The following FREM3 variants were observed in gnomAD, a reference collection of about 807,000 sequenced individuals.
The protein encoded by FREM3 is FRAS1-related extracellular matrix protein 3.
Under a neutral mutation model 129.1 loss-of-function variants are expected in FREM3, and 105 were observed. The ratio of observed to expected loss-of-function variants is 0.81; its 90% CI spans 0.69 to 0.96. FREM3 has a LOEUF of 0.96. Ranked by LOEUF, FREM3 falls within the 40% of genes least tolerant of loss-of-function variation. The pLI is 0.00. For missense variants in FREM3, 2,593 were observed against 2,666.3 expected (o/e 0.97, Z 0.61); for synonymous variants, 1,014 against 1,044.9 (o/e 0.97, Z 0.57).
At chr4:143,652,990 T>A (rs958100119) in intron 2 of FREM3, among the ~76,000 whole-genome samples, 6 of 152,200 alleles carry the variant, frequency 3.9e-5, no homozygotes, top group Admixed American at 2.0e-4. Context: ...TACAAGGTTT[T>A]GATACTAGAA....
At chr4:143,619,871 T>C (rs1277768858) in intron 5 of FREM3, among the ~76,000 whole-genome samples, 1 of 151,906 alleles carries the variant, frequency 6.6e-6, no homozygotes, top group Non-Finnish European at 1.5e-5. Context: ...GTGGGGGTAT[T>C]ATTTAAAAAA....
At chr4:143,662,694 C>T (rs1415796932) in intron 2 of FREM3, among the ~76,000 whole-genome samples, 1 of 151,984 alleles carries the variant, frequency 6.6e-6, no homozygotes, top group Non-Finnish European at 1.5e-5. Flanking sequence ...GTTAAAGTCT[C>T]CCATTATTAT....
At chr4:143,663,361 A>G (rs1331503709) in intron 2 of FREM3, among the ~76,000 whole-genome samples, 1 of 152,110 alleles carries the variant, frequency 6.6e-6, no homozygotes. Context: ...TTAGCTGGAT[A>G]TGAAATTCTG....
At chr4:143,595,682 T>C (rs983657417) in intron 6 of FREM3, among the ~76,000 whole-genome samples, 1 of 151,996 alleles carries the variant, frequency 6.6e-6, no homozygotes, top group African/African-American at 2.4e-5. Flanking sequence ...GGTCTGCAGA[T>C]CAAGACCATC....
At chr4:143,603,664 T>C (rs1738616353) in intron 6 of FREM3, among the ~76,000 whole-genome samples, 3 of 152,158 alleles carry the variant, frequency 2.0e-5, no homozygotes, top group Admixed American at 2.0e-4. Flanking sequence ...CCTTTTTATC[T>C]GAGAAATGCA....
At chr4:143,579,259 G>T (rs1020051308) in intron 7 of FREM3, among the ~76,000 whole-genome samples, 2 of 152,150 alleles carry the variant, frequency 1.3e-5, no homozygotes, top group Admixed American at 6.5e-5. Flanking sequence ...TTTGAGACCA[G>T]CCTGGCCAAC....
intron 2 of FREM3, among the ~76,000 whole-genome samples, chr4:143,653,151 C>T (rs550489437): frequency 1.2e-4 from 18 of 152,256 alleles, no homozygotes; most frequent in Non-Finnish European, 1.8e-4. Context: ...GCCATGACCT[C>T]AGCAGCTGAA....
Position 143,695,747 on chromosome 4 carries a change from G to A in FREM3, c.4929C>T (p.His1643=). The change falls in exon 1 of 8, where the codon CAC becomes CAT. Residue 1643 remains histidine, a synonymous_variant. Transcript: ENST00000329798. ...TCTGGACCCTCATTACTTGAGGTTT[G>A]TGTGTCGCCAGGGCAGTGTCTGGTA... ...YVLPDTALAT[H]KPQVMRVQIR... is the part of the protein sequence containing the mutation. 3 of 1,537,300 alleles carry A rather than the reference G, an allele frequency of 2.0e-6. No individual in the cohort carries two copies. The highest frequency in any genetic ancestry group is 1.4e-5 in the African/African-American group (1 of 73,174).
intron 5 of FREM3, among the ~76,000 whole-genome samples, chr4:143,612,574 A>G (rs1207622038): frequency 1.3e-5 from 2 of 152,166 alleles, no homozygotes; most frequent in Non-Finnish European, 2.9e-5. Flanking sequence ...TGCAAAAGCA[A>G]TTGCGGTTTT....
At chr4:143,588,909 T>G (rs1289731432) in intron 6 of FREM3, among the ~76,000 whole-genome samples, 2 of 151,352 alleles carry the variant, frequency 1.3e-5, no homozygotes, top group African/African-American at 4.9e-5. Flanking sequence ...GCACCTGTCG[T>G]TTCCTGACTT....
At chr4:143,589,862 C>T (rs1217213534) in intron 6 of FREM3, among the ~76,000 whole-genome samples, 1 of 152,180 alleles carries the variant, frequency 6.6e-6, no homozygotes, top group African/African-American at 2.4e-5. Context: ...ATTGATTCTT[C>T]CTACCCATGA....
chr4:143,607,314 C>G (rs1047393457), intron 6 of FREM3, among the ~76,000 whole-genome samples: 2 of 152,134 alleles, frequency 1.3e-5, no homozygotes. Context: ...CTTCCTTTCT[C>G]TATCCTCAAG....
chr4:143,631,958 C>T (rs1186326365), intron 2 of FREM3, among the ~76,000 whole-genome samples: 1 of 152,208 alleles, frequency 6.6e-6, no homozygotes, highest in African/African-American at 2.4e-5. Flanking sequence ...AAGAGTAATT[C>T]TGATAACCTA....
intron 2 of FREM3, among the ~76,000 whole-genome samples, chr4:143,651,506 C>T (rs986067165): frequency 3.9e-5 from 6 of 152,192 alleles, no homozygotes; most frequent in African/African-American, 9.7e-5. Flanking sequence ...AATGCACACA[C>T]GGAACAAAAT....
rs140748766 is a variant in FREM3, at chr4:143,693,490, A to G, written c.5186-288T>C. On this transcript the variant is annotated intron_variant, in intron 1 of 7. Transcript: ENST00000329798. Reference sequence around the variant, plus strand: ...TTGTAGAGAAAAAGGAACACTATACATTGTTGGTAGGAGTGTAAATTAGTT... The same window carrying G: ...TTGTAGAGAAAAAGGAACACTATACGTTGTTGGTAGGAGTGTAAATTAGTT... 2.0e-4 allele frequency among the ~76,000 whole-genome samples: 30 copies of G among 152,312 alleles called. No homozygotes were observed. The East Asian group carries it at 5.8e-3, about 29-fold the overall frequency.
At position 143,632,369 on chromosome 4, in the gene FREM3, G is replaced by T. The variant is rs533977006; in HGVS notation, c.5276-4609C>A. Among the ~76,000 whole-genome samples, 6 of 152,190 alleles carry T rather than the reference G, an allele frequency of 3.9e-5. No homozygotes were observed. In the East Asian group the frequency reaches 1.2e-3, roughly 29 times the overall value. On this transcript the variant is annotated intron_variant, in intron 2 of 7. Coordinates refer to ENST00000329798, the MANE Select transcript of FREM3 (RefSeq NM_001168235.2). ...AGTTTATATAGAGTGGTTAGAAAAGGCTTTCCTAAAGGGGTGATATTTGAT... is the reference window on the plus strand; with the variant it reads ...AGTTTATATAGAGTGGTTAGAAAAGTCTTTCCTAAAGGGGTGATATTTGAT...
At chr4:143,578,999 C>T (rs1033649690) in intron 7 of FREM3, among the ~76,000 whole-genome samples, 18 of 149,728 alleles carry the variant, frequency 1.2e-4, no homozygotes, top group Non-Finnish European at 1.6e-4. Flanking sequence ...AAGAGAATGT[C>T]TTTGAAGGAA....
intron 2 of FREM3, among the ~76,000 whole-genome samples, chr4:143,643,457 C>T (rs755133451): frequency 6.6e-6 from 1 of 151,642 alleles, no homozygotes; most frequent in Non-Finnish European, 1.5e-5. Context: ...TAAATATAAA[C>T]ACAACCATAG....
At chr4:143,671,053 C>G (rs1271901418) in intron 2 of FREM3, among the ~76,000 whole-genome samples, 1 of 152,092 alleles carries the variant, frequency 6.6e-6, no homozygotes, top group Non-Finnish European at 1.5e-5. Context: ...CAAAAAGTCT[C>G]CCTCCAAATC....
Sources: gnomAD v4.1 joint callset for allele counts (sites outside exome capture counted in the v4.1 genomes callset) on GRCh38, gnomAD v4.1.1 for gene constraint, MANE v1.5 for transcripts, NCBI Gene and HGNC (gene_info 2026-07-23, HGNC 2026-07-21) for gene names.